COL6A3: variants seen among roughly 807,000 people sequenced by gnomAD.
COL6A3 encodes the protein collagen alpha-3(VI) chain.
In COL6A3, 137 loss-of-function variants were observed where a neutral mutation model predicts 274.1. The observed-to-expected ratio is 0.50, with a 90% confidence interval of 0.44 to 0.58. The LOEUF (loss-of-function observed/expected upper bound fraction) is 0.58, where lower values mean the gene tolerates loss of function less well. Ranked by LOEUF, COL6A3 falls within the 20% of genes least tolerant of loss-of-function variation. The pLI is 0.00. For synonymous variants in COL6A3, 1,650 were observed against 1,650.6 expected (o/e 1.00, Z 0.01); for missense variants, 3,950 against 4,124.9 (o/e 0.96, Z 1.16).
At chr2:237,332,886 C>T (rs532821238) in intron 42 of COL6A3, 1 of 157,214 alleles carries the variant, frequency 6.4e-6, no homozygotes, top group Admixed American at 6.0e-5. Context: ...TCCTGAATTA[C>T]ACCTAACCAG....
chr2:237,338,793 T>C (rs1700677947), intron 39 of COL6A3: 1 of 521,390 alleles, frequency 1.9e-6, no homozygotes, highest in Admixed American at 3.5e-5. Flanking sequence ...AGAAAATAAA[T>C]AGGTGGTTGT....
At chr2:237,348,813 C>T in intron 28 of COL6A3, 150 bp from the exon 29 acceptor site, 1 of 730,268 alleles carries the variant, frequency 1.4e-6, no homozygotes, top group Non-Finnish European at 2.5e-6. Context: ...ACTTCCTGCT[C>T]CTGTCCTATC....
rs2077423327 is a variant in COL6A3 at position 237,360,987 on chromosome 2, A to C, written c.6210+134T>G. On this transcript the variant is annotated intron_variant, in intron 16 of 43. Transcript: ENST00000295550. ...GACATCCAGGCAAAGTTGTTAAGAA[A>C]AGTATAAATTAATTTTTCTCCCAAA... 3 of 781,142 alleles carry C rather than the reference A, an allele frequency of 3.8e-6. No homozygotes were observed. The South Asian group carries it at 4.3e-5, about 11-fold the overall frequency. 48.4% of individuals were successfully genotyped at this position (781,142 alleles called of 1,614,324 possible). A position where few individuals can be genotyped will look rare whatever the true frequency, so the allele number is the denominator to read the frequency against.
Position 237,336,261 on chromosome 2 carries a change from C to T in COL6A3, c.8839G>A (p.Ala2947Thr), listed in dbSNP as rs758256025. ...GGGGGTCTTACAGCTGCTGGCTTTG[C>T]TGCTACAGGCTTCGCTGCCGTTGCT... ...KPATAAKPVA[A>T]KPAAVRPPAA... The change falls in exon 40 of 44, where the codon GCA (alanine) becomes ACA (threonine). Residue 2947 changes from alanine (A) to threonine (T), a missense_variant. Transcript: ENST00000295550. 35 of 1,613,916 alleles carry T rather than the reference C, an allele frequency of 2.2e-5. No homozygotes were observed. In the South Asian group the frequency reaches 3.8e-4, roughly 18 times the overall value.
At chr2:237,332,109 A>AT (rs1201766472) in intron 42 of COL6A3, among the ~76,000 whole-genome samples, 1,061 of 83,376 alleles carry the variant, frequency 0.013, 194 homozygotes, top group Non-Finnish European at 0.018. Context: ...ATATATATAT[A>AT]TATATATATG....
At position 237,391,504 on chromosome 2, in the gene COL6A3, C is replaced by CTGTTTGTT. The variant is rs200150873; in HGVS notation, c.709+3075_709+3082dup. ...TCCATTTCTCTACTGGTCCCTTTCA[C>CTGTTTGTT]TGTTTGTTTGTTTGTTTGTTTGTTT... On this transcript the variant is annotated intron_variant, in intron 3 of 43. Transcript: ENST00000295550. Among the ~76,000 whole-genome samples, 1,130 of 150,164 alleles carry CTGTTTGTT rather than the reference C, an allele frequency of 7.5e-3. 9 individuals are homozygous for CTGTTTGTT. Among genetic ancestry groups the CTGTTTGTT allele is most frequent in the Non-Finnish European group, 0.01 (697 of 67,534 alleles).
In COL6A3 at chr2:237,365,879, C is replaced by T. The variant is rs368379003; in HGVS notation, c.5657G>A (p.Arg1886His). ...SCSGGRSPTVRVSVVANTPSG... is the reference protein window; with the variant it reads ...SCSGGRSPTVHVSVVANTPSG... Reference sequence around the variant, plus strand: ...GGGCGTGTTGGCCACCACTGACACACGCACGGTGGGCGAGCGGCCACCGCT... The same window carrying T: ...GGGCGTGTTGGCCACCACTGACACATGCACGGTGGGCGAGCGGCCACCGCT... The change falls in exon 12 of 44, where the codon CGT becomes CAT. Residue 1886 changes from arginine to histidine, a missense_variant. By Grantham distance (29) the Arg-to-His change is conservative. Coordinates refer to ENST00000295550, the MANE Select transcript of COL6A3 (RefSeq NM_004369.4). The T allele has an allele frequency of 1.0e-4, 168 of 1,614,170 alleles. No homozygotes were observed. The highest frequency in any genetic ancestry group is 1.6e-4 in the Middle Eastern group (1 of 6,062).
In COL6A3 at chr2:237,371,706, G is replaced by C. The variant is rs1363605496; in HGVS notation, c.4285+26C>G. 1.9e-6 allele frequency: 3 copies of C among 1,558,454 alleles called. No individual in the cohort carries two copies. The South Asian group carries it at 3.6e-5, about 19-fold the overall frequency. On this transcript the variant is annotated intron_variant, in intron 9 of 43. Coordinates refer to ENST00000295550, the MANE Select transcript of COL6A3 (RefSeq NM_004369.4). The surrounding 1 kb of genome is among the most constrained non-coding windows in gnomAD (Gnocchi z 4.3). ...TTTTTCATATGGAAAATGCTCCAAGGAGAACCTCCGACGCCCCCATCTCAC... is the reference window on the plus strand; with the variant it reads ...TTTTTCATATGGAAAATGCTCCAAGCAGAACCTCCGACGCCCCCATCTCAC...
intron 1 of COL6A3, among the ~76,000 whole-genome samples, chr2:237,402,727 T>C (rs1159504717): frequency 1.3e-5 from 2 of 152,210 alleles, no homozygotes; most frequent in African/African-American, 4.8e-5. Context: ...GAATCTAATA[T>C]GAACATTCAG....
chr2:237,331,279 G>C (rs1700210162), intron 42 of COL6A3, among the ~76,000 whole-genome samples: 1 of 152,068 alleles, frequency 6.6e-6, no homozygotes, highest in South Asian at 2.1e-4. Flanking sequence ...TTAATAAAGA[G>C]TGGTTCATTG....
At chr2:237,340,008 T>C (rs2076950552) in intron 38 of COL6A3, among the ~76,000 whole-genome samples, 1 of 152,154 alleles carries the variant, frequency 6.6e-6, no homozygotes, top group South Asian at 2.1e-4. Context: ...AAAGACCCAG[T>C]GGTATCCAAG....
chr2:237,400,611 T>A (rs1383823655), intron 1 of COL6A3, among the ~76,000 whole-genome samples: 1 of 148,874 alleles, frequency 6.7e-6, no homozygotes, highest in Admixed American at 6.7e-5. Flanking sequence ...GAATCGGTAA[T>A]CAAAAACCTT....
At chr2:237,402,836 C>T (rs1299001951) in intron 1 of COL6A3, among the ~76,000 whole-genome samples, 1 of 152,148 alleles carries the variant, frequency 6.6e-6, no homozygotes, top group Non-Finnish European at 1.5e-5. Context: ...TCTTAATCTT[C>T]CTCTCTCCAC....
chr2:237,345,028 T>C (rs1393180678), intron 34 of COL6A3, 30 bp downstream of exon 34: 21 of 1,614,036 alleles, frequency 1.3e-5, no homozygotes, highest in East Asian at 2.2e-5. Flanking sequence ...AAAATATGCA[T>C]TGTGAGACAA....
At chr2:237,332,276 C>G (rs547217777) in intron 42 of COL6A3, among the ~76,000 whole-genome samples, 2 of 151,226 alleles carry the variant, frequency 1.3e-5, no homozygotes, top group Admixed American at 6.6e-5. Context: ...CATTATTGAT[C>G]TCTGATCTCT....
At position 237,334,882 on chromosome 2, in the gene COL6A3, C is replaced by T; in HGVS notation, c.8973G>A (p.Met2991Ile). The change falls in exon 41 of 44, where the codon ATG (methionine) becomes ATA (isoleucine). Residue 2991 changes from methionine to isoleucine, a missense_variant. Transcript: ENST00000295550. The part of the protein sequence containing the change: ...KPATTKPMVK[M>I]SREVQVFEIT... ...TCTCAAACACCTGGACTTCACGGGA[C>T]ATCTTAACTGAAAGATAGATCAGAG... The T allele has an allele frequency of 6.2e-7, 1 of 1,614,116 alleles. No homozygotes were observed. The highest frequency in any genetic ancestry group is 8.5e-7 in the Non-Finnish European group (1 of 1,180,010).
At chr2:237,399,320 C>A (rs1416526497) in intron 1 of COL6A3, among the ~76,000 whole-genome samples, 2 of 152,194 alleles carry the variant, frequency 1.3e-5, no homozygotes, top group Non-Finnish European at 2.9e-5. Context: ...TATACTTGCT[C>A]AAAGCCTCCA....
chr2:237,394,526 T>A, intron 3 of COL6A3, 61 bp downstream of exon 3: 1 of 1,610,490 alleles, frequency 6.2e-7, no homozygotes, highest in Non-Finnish European at 8.5e-7. Context: ...AGGCCAGCAG[T>A]TGCCAAGCTC....
intron 1 of COL6A3, among the ~76,000 whole-genome samples, chr2:237,404,844 T>C (rs942456153): frequency 6.6e-6 from 1 of 152,136 alleles, no homozygotes; most frequent in African/African-American, 2.4e-5. Context: ...ATCCGGGAAG[T>C]CTAAGACATC....
Sources: allele counts gnomAD v4.1 joint callset (sites outside exome capture counted in the v4.1 genomes callset), GRCh38; gene constraint gnomAD v4.1.1; non-coding constraint Gnocchi (gnomAD v3.1); transcripts MANE v1.5; gene names NCBI Gene and HGNC (gene_info 2026-07-23, HGNC 2026-07-21).